The following PCDH9 variants were observed in gnomAD, a reference collection of about 807,000 sequenced individuals.
The protein encoded by PCDH9 is protocadherin-9.
PCDH9 carries 24 observed loss-of-function variants against 70.6 expected under a neutral mutation model. That is an observed-to-expected ratio of 0.34 (90% CI 0.25 to 0.48). The LOEUF (loss-of-function observed/expected upper bound fraction) is 0.48. Ranked by LOEUF, PCDH9 falls within the 20% of genes least tolerant of loss-of-function variation. The pLI, the probability that PCDH9 is intolerant of heterozygous loss-of-function variation, is 0.99. For missense variants in PCDH9, 1,281 were observed against 1,503.6 expected, an observed-to-expected ratio of 0.85 and a Z score of 2.45; for synonymous variants, 562 against 558.5, an observed-to-expected ratio of 1.01 and a Z score of -0.09.
intron 3 of PCDH9, among the ~76,000 whole-genome samples, chr13:66,830,424 CAG>C (rs1457391659): frequency 6.6e-6 from 1 of 152,058 alleles, no homozygotes; most frequent in African/African-American, 2.4e-5. Context: ...AACAACATCT[CAG>C]AATTCTCAAC....
At chr13:66,569,568 A>T (rs944125334) in intron 4 of PCDH9, among the ~76,000 whole-genome samples, 4 of 152,140 alleles carry the variant, frequency 2.6e-5, no homozygotes, top group Non-Finnish European at 5.9e-5. Context: ...TTTCCTCAAC[A>T]TAATTTTTAG....
At chr13:66,906,410 G>A (rs2082361298) in intron 2 of PCDH9, among the ~76,000 whole-genome samples, 1 of 152,220 alleles carries the variant, frequency 6.6e-6, no homozygotes, top group Non-Finnish European at 1.5e-5. Flanking sequence ...AACATATAGT[G>A]AGAAGTTATA....
At chr13:67,183,625 T>C (rs1222378341) in intron 2 of PCDH9, among the ~76,000 whole-genome samples, 2 of 152,150 alleles carry the variant, frequency 1.3e-5, no homozygotes, top group African/African-American at 4.8e-5. Context: ...AAATAAGATA[T>C]GATGAATGTT....
chr13:66,738,405 A>G (rs1052424501), intron 3 of PCDH9, among the ~76,000 whole-genome samples: 1 of 152,006 alleles, frequency 6.6e-6, no homozygotes, highest in African/African-American at 2.4e-5. Flanking sequence ...AACAGGACAG[A>G]AAAACTGGAA....
intron 2 of PCDH9, among the ~76,000 whole-genome samples, chr13:67,031,155 C>T (rs917264789): frequency 1.4e-4 from 21 of 151,922 alleles, no homozygotes; most frequent in African/African-American, 4.6e-4. Context: ...CAGCCATAAA[C>T]GACATTGAAA....
intron 3 of PCDH9, among the ~76,000 whole-genome samples, chr13:66,860,204 G>A (rs2081459492): frequency 6.6e-6 from 1 of 152,174 alleles, no homozygotes; most frequent in Non-Finnish European, 1.5e-5. Flanking sequence ...GGGATAAAAA[G>A]GAGAATCTTC....
chr13:66,958,416 G>A (rs574038735), intron 2 of PCDH9, among the ~76,000 whole-genome samples: 1 of 152,190 alleles, frequency 6.6e-6, no homozygotes, highest in African/African-American at 2.4e-5. Flanking sequence ...ATAATTCATT[G>A]TTCAGTTTCT....
chr13:67,119,785 T>C (rs969905275), intron 2 of PCDH9, among the ~76,000 whole-genome samples: 2 of 152,040 alleles, frequency 1.3e-5, no homozygotes, highest in African/African-American at 4.8e-5. Flanking sequence ...GGACATGCTG[T>C]GGTGGGGTGA....
intron 2 of PCDH9, among the ~76,000 whole-genome samples, chr13:67,058,116 T>C (rs1483969380): frequency 2.0e-5 from 3 of 152,174 alleles, no homozygotes; most frequent in Non-Finnish European, 4.4e-5. Flanking sequence ...ATTAAAACAT[T>C]GTAAAAGAAT....
At chr13:67,198,820 T>C (rs369972991) in intron 2 of PCDH9, among the ~76,000 whole-genome samples, 42 of 151,954 alleles carry the variant, frequency 2.8e-4, no homozygotes, top group African/African-American at 9.9e-4. Context: ...TAGTTGTGCT[T>C]TAAGAAATAT....
intron 4 of PCDH9, among the ~76,000 whole-genome samples, chr13:66,410,682 T>C (rs1178964648): frequency 2.6e-5 from 4 of 152,184 alleles, no homozygotes; most frequent in Non-Finnish European, 4.4e-5. Context: ...AGTGAGAAGC[T>C]GAATATCGCT....
intron 4 of PCDH9, among the ~76,000 whole-genome samples, chr13:66,541,894 TTTTG>T (rs1342762950): frequency 6.6e-6 from 1 of 152,060 alleles, no homozygotes; most frequent in Non-Finnish European, 1.5e-5. Flanking sequence ...TTCCTTGGAG[TTTTG>T]TTTATCTGTA....
chr13:66,813,479 AAGGG>A (rs2080547026), intron 3 of PCDH9, among the ~76,000 whole-genome samples: 1 of 151,512 alleles, frequency 6.6e-6, no homozygotes, highest in Non-Finnish European at 1.5e-5. Context: ...GGGAAGAAGG[AAGGG>A]AGGAAAGGAG....
chr13:66,978,003 T>A (rs1275776516), intron 2 of PCDH9, among the ~76,000 whole-genome samples: 1 of 152,166 alleles, frequency 6.6e-6, no homozygotes, highest in Non-Finnish European at 1.5e-5. Flanking sequence ...ACCTGTTGTA[T>A]CCCTTAAAAC....
intron 4 of PCDH9, among the ~76,000 whole-genome samples, chr13:66,525,023 T>A (rs1960152973): frequency 6.6e-6 from 1 of 152,084 alleles, no homozygotes; most frequent in Non-Finnish European, 1.5e-5. Flanking sequence ...TGTGCTTGCA[T>A]GCCTCAGGAG....
At chr13:66,305,291 A>G (rs1955445503) in intron 4 of PCDH9, among the ~76,000 whole-genome samples, 1 of 152,068 alleles carries the variant, frequency 6.6e-6, no homozygotes, top group African/African-American at 2.4e-5. Flanking sequence ...ATAGATAGAT[A>G]AAAAGACAGA....
At chr13:66,998,453 C>G (rs763236314) in intron 2 of PCDH9, among the ~76,000 whole-genome samples, 1 of 152,152 alleles carries the variant, frequency 6.6e-6, no homozygotes, top group East Asian at 1.9e-4. Context: ...ATCCTACTTC[C>G]TATTGTGATT....
intron 4 of PCDH9, among the ~76,000 whole-genome samples, chr13:66,377,059 A>T (rs1269800533): frequency 1.3e-5 from 2 of 152,174 alleles, no homozygotes; most frequent in African/African-American, 2.4e-5. Flanking sequence ...ATAGGTACGG[A>T]GAGAATTTGT....
At chr13:66,546,223 A>G (rs1961192634) in intron 4 of PCDH9, among the ~76,000 whole-genome samples, 1 of 151,916 alleles carries the variant, frequency 6.6e-6, no homozygotes, top group Non-Finnish European at 1.5e-5. Context: ...ACCTTCCAGA[A>G]AGCAGTCTAG....
Sources: allele counts gnomAD v4.1 joint callset (sites outside exome capture counted in the v4.1 genomes callset), GRCh38; gene constraint gnomAD v4.1.1; transcripts MANE v1.5; gene names NCBI Gene and HGNC (gene_info 2026-07-23, HGNC 2026-07-21).